KALRN: variants seen among roughly 807,000 people sequenced by gnomAD.
KALRN encodes the protein kalirin RhoGEF kinase, also known as kalirin.
In KALRN, 70 loss-of-function variants were observed where a neutral mutation model predicts 353.7. The ratio of observed to expected loss-of-function variants is 0.20; its 90% confidence interval spans 0.16 to 0.24. The LOEUF (loss-of-function observed/expected upper bound fraction) is 0.24. Among genes scored for constraint, KALRN ranks in the 10% least tolerant of loss-of-function variants. The pLI is 1.00. For synonymous variants in KALRN, 1,391 were observed against 1,434.8 expected (o/e 0.97, Z 0.69); for missense variants, 2,791 against 3,756.7 (o/e 0.74, Z 6.72).
intron 56 of KALRN, among the ~76,000 whole-genome samples, chr3:124,701,065 G>C (rs534735600): frequency 1.3e-5 from 2 of 152,356 alleles, no homozygotes; most frequent in African/African-American, 4.8e-5. Context: ...GCTGAGCCAA[G>C]CTGCTCATGT....
intron 1 of KALRN, among the ~76,000 whole-genome samples, chr3:124,077,198 T>C (rs918755825): frequency 6.6e-6 from 1 of 152,006 alleles, no homozygotes; most frequent in African/African-American, 2.4e-5. Flanking sequence ...CAGAGGAGAG[T>C]AGACCTGGGT....
chr3:124,218,255 C>G (rs2077541219), intron 1 of KALRN, among the ~76,000 whole-genome samples: 1 of 152,116 alleles, frequency 6.6e-6, no homozygotes. Flanking sequence ...TTTAACTAGT[C>G]TTTATGCCCT....
intron 15 of KALRN, among the ~76,000 whole-genome samples, chr3:124,427,149 G>A (rs960360634): frequency 1.3e-5 from 2 of 152,190 alleles, no homozygotes; most frequent in African/African-American, 4.8e-5. Flanking sequence ...ATAAAAGAGA[G>A]GAATTGAAGT....
At chr3:124,410,393 C>A in intron 13 of KALRN, 1 of 393,000 alleles carries the variant, frequency 2.5e-6, no homozygotes, top group South Asian at 1.9e-5. Context: ...AGTTTGTAGG[C>A]CAGAAAATGG....
chr3:124,406,394 G>A (rs569064129), intron 13 of KALRN, among the ~76,000 whole-genome samples: 9 of 152,252 alleles, frequency 5.9e-5, no homozygotes, highest in East Asian at 1.9e-4. Context: ...TTTATTCATC[G>A]TGGTAACCTA....
rs543650401 is a variant in KALRN at position 124,423,156 on chromosome 3, G to A, written c.2709+178G>A. On this transcript the variant is annotated intron_variant, in intron 15 of 59. Coordinates refer to ENST00000682506, the MANE Select transcript of KALRN (RefSeq NM_001388419.1). ...ATTAGTTTCTGAAAGCTTGGCTGCG[G>A]TAACAAATAGACCCAGTGATACAAT... 2.6e-5 allele frequency among the ~76,000 whole-genome samples: 4 copies of A among 152,294 alleles called. No homozygotes were observed. In the South Asian group the frequency reaches 6.2e-4, roughly 24 times the overall value.
Position 124,564,733 on chromosome 3 carries a change from A to G in KALRN, c.5182+1644A>G, listed in dbSNP as rs192582028. Among the ~76,000 whole-genome samples, 269 of 152,164 alleles carry G rather than the reference A, an allele frequency of 1.8e-3. 1 individual carries two copies. The highest frequency in any genetic ancestry group is 5.8e-3 in the African/African-American group (242 of 41,492). On this transcript the variant is annotated intron_variant, in intron 34 of 59. Coordinates refer to ENST00000682506, the MANE Select transcript of KALRN (RefSeq NM_001388419.1). The stretch of plus-strand genomic sequence containing the variant: ...AAAGAAAGAAACGCAAATGATCAGA[A>G]CCCCCACTCCTCCAGAGCCGGTGGG...
chr3:124,211,214 G>A (rs1410013711), intron 1 of KALRN, among the ~76,000 whole-genome samples: 1 of 152,170 alleles, frequency 6.6e-6, no homozygotes, highest in Non-Finnish European at 1.5e-5. Flanking sequence ...CATAGTCTCA[G>A]CTAATTCTCA....
intron 25 of KALRN, among the ~76,000 whole-genome samples, chr3:124,471,847 G>T (rs1036612552): frequency 2.6e-5 from 4 of 151,516 alleles, no homozygotes; most frequent in Admixed American, 1.3e-4. Context: ...GGCGCTTGCA[G>T]TCCCAGCTAC....
chr3:124,626,017 G>A (rs573644934), intron 34 of KALRN, among the ~76,000 whole-genome samples: 6 of 152,168 alleles, frequency 3.9e-5, no homozygotes, highest in African/African-American at 1.4e-4. Flanking sequence ...GGAGGCAGAG[G>A]TTGCAGTGAG....
intron 5 of KALRN, among the ~76,000 whole-genome samples, chr3:124,289,486 C>T (rs1304351744): frequency 1.3e-5 from 2 of 151,802 alleles, no homozygotes; most frequent in Non-Finnish European, 2.9e-5. Flanking sequence ...ATCTGTTTCT[C>T]TACCTAAAAA....
At chr3:124,469,890 C>T (rs2060718700) in intron 25 of KALRN, among the ~76,000 whole-genome samples, 1 of 152,174 alleles carries the variant, frequency 6.6e-6, no homozygotes, top group African/African-American at 2.4e-5. Context: ...TACACTTCCC[C>T]AGAAGCAGTG....
Position 124,492,892 on chromosome 3 carries a change from A to C in KALRN, c.4832+10A>C, listed in dbSNP as rs1373963424. The C allele has an allele frequency of 6.2e-7, 1 of 1,612,904 alleles. No homozygotes were observed. The highest frequency in any genetic ancestry group is 8.5e-7 in the Non-Finnish European group (1 of 1,179,318). ...GGAACAATAGTAAGAGGTAACCAGCACCTCTCCCTCCAGCACTGCCTGCCT... is the reference window on the plus strand; with the variant it reads ...GGAACAATAGTAAGAGGTAACCAGCCCCTCTCCCTCCAGCACTGCCTGCCT... On this transcript the variant is annotated intron_variant, in intron 32 of 59. Coordinates refer to ENST00000682506, the MANE Select transcript of KALRN (RefSeq NM_001388419.1).
At chr3:124,516,685 G>A (rs1157509560) in intron 33 of KALRN, among the ~76,000 whole-genome samples, 2 of 149,774 alleles carry the variant, frequency 1.3e-5, no homozygotes, top group Non-Finnish European at 3.0e-5. Context: ...TATGGTGTGT[G>A]TGGGGGTGTC....
intron 19 of KALRN, among the ~76,000 whole-genome samples, chr3:124,442,842 T>TG (rs1662918323): frequency 6.6e-6 from 1 of 151,864 alleles, no homozygotes; most frequent in Admixed American, 6.6e-5. Context: ...AAAATTAGCC[T>TG]GGTATGGTGG....
intron 3 of KALRN, among the ~76,000 whole-genome samples, chr3:124,245,033 A>T (rs1338619133): frequency 1.1e-5 from 1 of 93,638 alleles, no homozygotes; most frequent in East Asian, 2.2e-4. Context: ...TTTGAAATAT[A>T]TTATAAATTA....
chr3:124,543,488 A>C (rs1372493191), intron 33 of KALRN, among the ~76,000 whole-genome samples: 1 of 151,954 alleles, frequency 6.6e-6, no homozygotes, highest in African/African-American at 2.4e-5. Flanking sequence ...TTTTTAGTAG[A>C]GACGGGGTTT....
At chr3:124,461,039 G>A (rs1026923396) in intron 23 of KALRN, among the ~76,000 whole-genome samples, 7 of 152,170 alleles carry the variant, frequency 4.6e-5, no homozygotes, top group African/African-American at 1.4e-4. Flanking sequence ...TACTGAAATA[G>A]CTGAGAGGAT....
chr3:124,365,076 G>T (rs922759743), intron 10 of KALRN, among the ~76,000 whole-genome samples: 2 of 152,094 alleles, frequency 1.3e-5, no homozygotes, highest in Non-Finnish European at 2.9e-5. Flanking sequence ...TTGTGCTACT[G>T]TCACCCTTCA....
Sources: allele counts gnomAD v4.1 joint callset (sites outside exome capture counted in the v4.1 genomes callset), GRCh38; gene constraint gnomAD v4.1.1; transcripts MANE v1.5; gene names NCBI Gene and HGNC (gene_info 2026-07-23, HGNC 2026-07-21).